The following SSBP3 variants were observed in gnomAD, a reference collection of about 807,000 sequenced individuals.
SSBP3 encodes single stranded DNA binding protein 3.
In SSBP3, 5 loss-of-function variants were observed where a neutral mutation model predicts 69.6. The ratio of observed to expected loss-of-function variants is 0.07; its 90% CI spans 0.04 to 0.15. The LOEUF is 0.15. Among genes scored for constraint, SSBP3 ranks in the 10% least tolerant of loss-of-function variants. The pLI is 1.00. For synonymous variants in SSBP3, 196 were observed against 193.4 expected (o/e 1.01, Z -0.11); for missense variants, 312 against 534.0 (o/e 0.58, Z 4.10).
At chr1:54,233,251 G>A (rs1268898942) in intron 14 of SSBP3, among the ~76,000 whole-genome samples, 4 of 150,848 alleles carry the variant, frequency 2.7e-5, no homozygotes, top group African/African-American at 9.8e-5. Context: ...GGGATGTGAG[G>A]AGCGCCTCTG....
intron 4 of SSBP3, among the ~76,000 whole-genome samples, chr1:54,386,024 G>A (rs973482359): frequency 6.6e-6 from 1 of 152,150 alleles, no homozygotes; most frequent in South Asian, 2.1e-4. Flanking sequence ...AAAGCTAAAG[G>A]CCATTTTAAC....
At chr1:54,363,838 C>G (rs1406955174) in intron 4 of SSBP3, among the ~76,000 whole-genome samples, 1 of 152,180 alleles carries the variant, frequency 6.6e-6, no homozygotes, top group African/African-American at 2.4e-5. Flanking sequence ...CCAAATCTTA[C>G]AACTCTTCAG....
intron 4 of SSBP3, among the ~76,000 whole-genome samples, chr1:54,289,418 C>A (rs6697414): frequency 0.36 from 54,279 of 151,074 alleles, 11,006 homozygotes; most frequent in African/African-American, 0.53. Flanking sequence ...TAAAAAGGTT[C>A]CTAGTGCTTT....
At position 54,393,083 on chromosome 1, in the gene SSBP3, G is replaced by C. The variant is rs76822883; in HGVS notation, c.276+8778C>G. ...CATGGTGAAGAGGCCAAAGTGGCTGGAGAAAGCACCTGTTCCAGATTCCTA... is the reference window on the plus strand; with the variant it reads ...CATGGTGAAGAGGCCAAAGTGGCTGCAGAAAGCACCTGTTCCAGATTCCTA... On this transcript the variant is annotated intron_variant, in intron 4 of 17. Transcript: ENST00000610401. 2.7e-3 allele frequency among the ~76,000 whole-genome samples: 417 copies of C among 152,312 alleles called. 2 individuals are homozygous for C. The highest frequency in any genetic ancestry group is 9.4e-3 in the African/African-American group (391 of 41,568).
intron 4 of SSBP3, among the ~76,000 whole-genome samples, chr1:54,309,074 T>C (rs988068993): frequency 3.9e-5 from 6 of 152,216 alleles, no homozygotes; most frequent in Non-Finnish European, 4.4e-5. Context: ...AGAGACTCAA[T>C]GGGGTCATCT....
chr1:54,271,552 C>G (rs1386940282), intron 5 of SSBP3, among the ~76,000 whole-genome samples: 1 of 152,222 alleles, frequency 6.6e-6, no homozygotes, highest in Non-Finnish European at 1.5e-5. Flanking sequence ...ACACTGCCAG[C>G]CAAGTGCAGG....
At chr1:54,367,379 G>C (rs1176997786) in intron 4 of SSBP3, among the ~76,000 whole-genome samples, 1 of 152,176 alleles carries the variant, frequency 6.6e-6, no homozygotes, top group Admixed American at 6.5e-5. Context: ...TGTCTCTGTA[G>C]TCCAATCTGT....
intron 5 of SSBP3, among the ~76,000 whole-genome samples, chr1:54,260,512 G>C (rs1424090979): frequency 6.6e-6 from 1 of 152,242 alleles, no homozygotes; most frequent in African/African-American, 2.4e-5. Flanking sequence ...CCTTTACAAA[G>C]GACCAGTGCT....
intron 4 of SSBP3, among the ~76,000 whole-genome samples, chr1:54,382,811 C>A (rs919034007): frequency 1.3e-5 from 2 of 151,710 alleles, no homozygotes; most frequent in Non-Finnish European, 2.9e-5. Flanking sequence ...CTTGGAGAAA[C>A]CCCTTATCTA....
chr1:54,394,695 CTTTTTTTTT>C (rs544898836), intron 4 of SSBP3, among the ~76,000 whole-genome samples: 2 of 97,132 alleles, frequency 2.1e-5, no homozygotes, highest in African/African-American at 9.1e-5. Context: ...CTTAAGACTC[CTTTTTTTTT>C]TTTTTTTTTT....
chr1:54,285,359 T>C (rs918015145), intron 4 of SSBP3: 3 of 152,114 alleles, frequency 2.0e-5, no homozygotes, highest in African/African-American at 7.2e-5. Context: ...TCTATGAACA[T>C]TACGCTGAAT....
At chr1:54,315,536 C>A (rs1402765514) in intron 4 of SSBP3, among the ~76,000 whole-genome samples, 1 of 150,598 alleles carries the variant, frequency 6.6e-6, no homozygotes, top group Non-Finnish European at 1.5e-5. Context: ...AGTTAAAATG[C>A]AGTTAGAGTA....
intron 5 of SSBP3, among the ~76,000 whole-genome samples, chr1:54,278,140 CCAGA>C (rs1557488127): frequency 1.3e-5 from 2 of 152,152 alleles, no homozygotes; most frequent in African/African-American, 4.8e-5. Flanking sequence ...CTGCAAAACA[CCAGA>C]ACACCACTCC....
At chr1:54,243,192 A>G (rs1221191283) in intron 10 of SSBP3, 43 bp downstream of exon 10, 6 of 1,586,374 alleles carry the variant, frequency 3.8e-6, no homozygotes, top group South Asian at 1.1e-5. Context: ...GGGTGGGGGA[A>G]GACCTGGACT....
intron 4 of SSBP3, among the ~76,000 whole-genome samples, chr1:54,380,233 C>G (rs755751965): frequency 6.6e-6 from 1 of 152,174 alleles, no homozygotes; most frequent in Non-Finnish European, 1.5e-5. Flanking sequence ...GGGATTGACT[C>G]GCTCTGTGGT....
intron 4 of SSBP3, among the ~76,000 whole-genome samples, chr1:54,291,039 T>C (rs1246371080): frequency 6.6e-6 from 1 of 152,310 alleles, no homozygotes; most frequent in East Asian, 1.9e-4. Flanking sequence ...TGGCAGTTGC[T>C]TCTGCAAAGT....
At chr1:54,404,744 G>T (rs531227273) in intron 2 of SSBP3, 107 bp from the exon 3 acceptor site, 46 of 1,414,152 alleles carry the variant, frequency 3.3e-5, no homozygotes, top group Non-Finnish European at 4.5e-5. Context: ...AATGCCAAAA[G>T]GTGATAAAAA....
rs142502954 is a variant in SSBP3, at chr1:54,402,011, C to T, written c.192-66G>A. ...TTACTTGTGTACACAAGGGCAAGTG[C>T]ACGATGCATGGCGCTAACAGTACTA... is the stretch of plus-strand genomic sequence containing the variant. On this transcript the variant is annotated intron_variant, in intron 3 of 17. Coordinates refer to ENST00000610401, the Ensembl canonical transcript of SSBP3. 2.6e-4 allele frequency: 362 copies of T among 1,398,002 alleles called. No individual in the cohort carries two copies. In the African/African-American group the frequency reaches 4.6e-3, roughly 18 times the overall value. 86.6% of individuals were successfully genotyped at this position (1,398,002 alleles called of 1,614,324 possible).
At chr1:54,273,887 G>A (rs749044937) in intron 5 of SSBP3, among the ~76,000 whole-genome samples, 1 of 152,236 alleles carries the variant, frequency 6.6e-6, no homozygotes, top group African/African-American at 2.4e-5. Context: ...GTGGGGAAGA[G>A]CAGTGGTTCC....
Sources: gnomAD v4.1 joint callset for allele counts (sites outside exome capture counted in the v4.1 genomes callset) on GRCh38, gnomAD v4.1.1 for gene constraint, MANE v1.5 for transcripts, NCBI Gene and HGNC (gene_info 2026-07-23, HGNC 2026-07-21) for gene names.